The following OCA2 variants were observed in gnomAD, a reference collection of about 807,000 sequenced individuals.
The protein encoded by OCA2 is OCA2 melanosomal transmembrane protein, also known as P protein.
OCA2 carries 77 observed loss-of-function variants against 100.2 expected under a neutral mutation model. The ratio of observed to expected loss-of-function variants is 0.77; its 90% confidence interval spans 0.64 to 0.93. The LOEUF (loss-of-function observed/expected upper bound fraction) is 0.93, where lower values mean the gene tolerates loss of function less well. OCA2 is among the 40% of genes least tolerant of loss of function. The pLI, the probability that OCA2 is intolerant of heterozygous loss-of-function variation, is 0.00. For missense variants in OCA2, 1,062 were observed against 1,089.1 expected, an observed-to-expected ratio of 0.98 and a Z score of 0.35; for synonymous variants, 432 against 439.2, an observed-to-expected ratio of 0.98 and a Z score of 0.21.
chr15:27,829,500 G>A (rs191692456), intron 23 of OCA2, among the ~76,000 whole-genome samples: 57 of 152,288 alleles, frequency 3.7e-4, no homozygotes, highest in Non-Finnish European at 1.6e-4. Flanking sequence ...CTCTTCACCT[G>A]CCTAGAACTT....
intron 19 of OCA2, among the ~76,000 whole-genome samples, chr15:27,872,551 A>C (rs185194835): frequency 6.6e-6 from 1 of 152,230 alleles, no homozygotes; most frequent in African/African-American, 2.4e-5. Context: ...GTGAGAGGTC[A>C]CCGGAAAGCA....
chr15:27,770,245 C>T lies in OCA2; in HGVS notation c.2433-14773G>A, dbSNP rs141836561. Among the ~76,000 whole-genome samples the T allele has an allele frequency of 7.4e-3, 1,134 of 152,304 alleles. 7 individuals carry two copies. The highest frequency in any genetic ancestry group is 0.012 in the Non-Finnish European group (834 of 68,018). On this transcript the variant is annotated intron_variant, in intron 23 of 23. Coordinates refer to ENST00000354638, the MANE Select transcript of OCA2 (RefSeq NM_000275.3). ...GGAAGGGGCGTTCAGGGCGGGGGCT[C>T]CGCGGGGTCCGCAGGCCTCCTGGTC...
chr15:28,055,187 A>G (rs1422120625), intron 2 of OCA2, among the ~76,000 whole-genome samples: 1 of 152,196 alleles, frequency 6.6e-6, no homozygotes, highest in Non-Finnish European at 1.5e-5. Flanking sequence ...AGTTTGTCAT[A>G]CACCTGTATC....
At chr15:27,920,874 C>T (rs1238021599) in intron 19 of OCA2, among the ~76,000 whole-genome samples, 1 of 151,608 alleles carries the variant, frequency 6.6e-6, no homozygotes, top group Non-Finnish European at 1.5e-5. Flanking sequence ...AGAAATTACT[C>T]AATCTGAAGA....
chr15:28,009,354 T>C (rs2042173818), intron 9 of OCA2, among the ~76,000 whole-genome samples: 1 of 152,078 alleles, frequency 6.6e-6, no homozygotes, highest in East Asian at 1.9e-4. Flanking sequence ...GCCCACAGAA[T>C]ATTCATCAAG....
intron 18 of OCA2, among the ~76,000 whole-genome samples, chr15:27,931,099 G>A (rs769938039): frequency 2.0e-5 from 3 of 152,026 alleles, no homozygotes; most frequent in Non-Finnish European, 2.9e-5. Context: ...AAAAGATAAA[G>A]GAGTTCTCCA....
At chr15:27,831,284 C>CAAAAA (rs71132824) in intron 23 of OCA2, among the ~76,000 whole-genome samples, 23 of 62,632 alleles carry the variant, frequency 3.7e-4, no homozygotes, top group African/African-American at 6.4e-4. Flanking sequence ...GACTCCGTCT[C>CAAAAA]AAAAAAAAAA....
At chr15:27,901,818 G>A (rs1460772033) in intron 19 of OCA2, among the ~76,000 whole-genome samples, 1 of 152,170 alleles carries the variant, frequency 6.6e-6, no homozygotes, top group Non-Finnish European at 1.5e-5. Context: ...GACGTAGCAG[G>A]TCACAACTGT....
At chr15:27,756,000 T>A (rs1460251703) in intron 23 of OCA2, among the ~76,000 whole-genome samples, 1 of 152,306 alleles carries the variant, frequency 6.6e-6, no homozygotes, top group Admixed American at 6.5e-5. Flanking sequence ...GCCGGTGAGG[T>A]GTGAGACGTG....
intron 2 of OCA2, among the ~76,000 whole-genome samples, chr15:28,080,008 C>T (rs1260704663): frequency 6.6e-6 from 1 of 152,228 alleles, no homozygotes; most frequent in Non-Finnish European, 1.5e-5. Flanking sequence ...GAACTTGGAA[C>T]ATATGCAACA....
At chr15:27,988,457 C>T (rs2041434277) in intron 11 of OCA2, among the ~76,000 whole-genome samples, 1 of 151,986 alleles carries the variant, frequency 6.6e-6, no homozygotes, top group Non-Finnish European at 1.5e-5. Context: ...TGACTGATGT[C>T]CTTATAGGAT....
chr15:27,833,673 CCAA>C (rs1220656448), intron 23 of OCA2, among the ~76,000 whole-genome samples: 1 of 152,146 alleles, frequency 6.6e-6, no homozygotes, highest in Non-Finnish European at 1.5e-5. Flanking sequence ...ACAAGTGGTT[CCAA>C]TGGATTTCTT....
intron 1 of OCA2, among the ~76,000 whole-genome samples, chr15:28,088,184 C>G (rs1402815575): frequency 6.6e-6 from 1 of 152,178 alleles, no homozygotes; most frequent in East Asian, 1.9e-4. Context: ...TGATAGCATG[C>G]TATTGAATAA....
intron 23 of OCA2, among the ~76,000 whole-genome samples, chr15:27,768,991 G>A (rs1207152463): frequency 1.3e-5 from 2 of 152,208 alleles, no homozygotes; most frequent in Non-Finnish European, 2.9e-5. Flanking sequence ...AGGATGTTAT[G>A]ACTTCCTGTC....
At chr15:28,094,226 C>G (rs2044926114) in intron 1 of OCA2, among the ~76,000 whole-genome samples, 1 of 152,162 alleles carries the variant, frequency 6.6e-6, no homozygotes. Flanking sequence ...TAGCACACAG[C>G]CCGTCCTCTG....
At chr15:28,011,403 G>T (rs1269782587) in intron 9 of OCA2, among the ~76,000 whole-genome samples, 1 of 152,144 alleles carries the variant, frequency 6.6e-6, no homozygotes, top group Non-Finnish European at 1.5e-5. Context: ...AGGAGTTTGA[G>T]GCTGCAGTGA....
At position 28,024,917 on chromosome 15, in the gene OCA2, G is replaced by A. The variant is rs1566812824; in HGVS notation, c.516-15C>T. 1 of 1,613,970 alleles carries A rather than the reference G, an allele frequency of 6.2e-7. No homozygotes were observed. The highest frequency in any genetic ancestry group is 1.1e-5 in the South Asian group (1 of 91,056). ...GCACACAGCGCCTGCAAGAGAAAAA[G>A]TAGGGCCTTAGTGGCAAGGGCAGCA... On this transcript the variant is annotated splice_polypyrimidine_tract_variant and intron_variant, in intron 4 of 23. Coordinates refer to ENST00000354638, the MANE Select transcript of OCA2 (RefSeq NM_000275.3).
At chr15:28,098,200 T>C (rs931353770) in intron 1 of OCA2, among the ~76,000 whole-genome samples, 1 of 152,242 alleles carries the variant, frequency 6.6e-6, no homozygotes, top group African/African-American at 2.4e-5. Context: ...GCACTCAAAT[T>C]GTTGTAAACT....
intron 23 of OCA2, among the ~76,000 whole-genome samples, chr15:27,771,248 G>T (rs1314555504): frequency 6.6e-6 from 1 of 151,844 alleles, no homozygotes; most frequent in African/African-American, 2.4e-5. Flanking sequence ...CCTGCTCACA[G>T]CAAATCGCCC....
Sources: allele counts gnomAD v4.1 joint callset (sites outside exome capture counted in the v4.1 genomes callset), GRCh38; gene constraint gnomAD v4.1.1; transcripts MANE v1.5; gene names NCBI Gene and HGNC (gene_info 2026-07-23, HGNC 2026-07-21).